GALK2: variants seen among roughly 807,000 people sequenced by gnomAD.
GALK2 encodes the protein galactokinase 2.
GALK2 carries 36 observed loss-of-function variants against 52.4 expected under a neutral mutation model. The ratio of observed to expected loss-of-function variants is 0.69; its 90% CI spans 0.53 to 0.91. The LOEUF (loss-of-function observed/expected upper bound fraction) is 0.91. Among genes scored for constraint, GALK2 ranks in the 40% least tolerant of loss-of-function variants. The probability of loss-of-function intolerance (pLI) is 0.00; values close to 1 mark genes in which losing one functional copy is unlikely to be tolerated. For missense variants in GALK2, 579 were observed against 559.1 expected (o/e 1.04, Z -0.36); for synonymous variants, 176 against 199.1 (o/e 0.88, Z 0.98).
chr15:49,245,825 T>G (rs1333162581), intron 5 of GALK2, among the ~76,000 whole-genome samples: 1 of 152,162 alleles, frequency 6.6e-6, no homozygotes, highest in Non-Finnish European at 1.5e-5. Flanking sequence ...AGTAAAGCTT[T>G]CTTTATATAA....
At chr15:49,177,736 AC>A in intron 1 of GALK2, 1 of 814,474 alleles carries the variant, frequency 1.2e-6, no homozygotes, top group Non-Finnish European at 1.8e-6. Context: ...CCCATGCATC[AC>A]CCTTTGCTTG....
intron 5 of GALK2, among the ~76,000 whole-genome samples, chr15:49,247,644 A>G (rs1174485069): frequency 6.6e-6 from 1 of 152,210 alleles, no homozygotes; most frequent in Non-Finnish European, 1.5e-5. Context: ...GTTTCAAGTA[A>G]TTGGTGAGTT....
chr15:49,241,643 A>T (rs1326412038), intron 5 of GALK2, among the ~76,000 whole-genome samples: 1 of 152,234 alleles, frequency 6.6e-6, no homozygotes, highest in Non-Finnish European at 1.5e-5. Context: ...GGTAAAGTTC[A>T]GTGGATACAA....
intron 8 of GALK2, among the ~76,000 whole-genome samples, chr15:49,312,777 G>GT (rs2141918557): frequency 6.6e-6 from 1 of 152,284 alleles, no homozygotes; most frequent in East Asian, 1.9e-4. Flanking sequence ...TATCTGAAGG[G>GT]TTACCTTGTG....
rs1191356554 is a variant in GALK2, at chr15:49,365,933, T to G, written c.427-1558T>G. The G allele has an allele frequency of 1.6e-5, 15 of 959,454 alleles. No homozygotes were observed. In the Admixed American group the frequency reaches 2.5e-4, roughly 16 times the overall value. 59.4% of individuals were successfully genotyped at this position (959,454 alleles called of 1,614,324 possible). A position where few individuals can be genotyped will look rare whatever the true frequency, so the allele number is the denominator to read the frequency against. ...CTCATTGCTGATACTATGCAGAAAATTGCTATCATAACATAAACTAACCAT... is the reference window on the plus strand; with the variant it reads ...CTCATTGCTGATACTATGCAGAAAAGTGCTATCATAACATAAACTAACCAT... On this transcript the variant is annotated intron_variant, in intron 3 of 3. Transcript: ENST00000558399.
At chr15:49,233,013 T>C (rs1284504714) in intron 3 of GALK2, among the ~76,000 whole-genome samples, 1 of 152,202 alleles carries the variant, frequency 6.6e-6, no homozygotes, top group Non-Finnish European at 1.5e-5. Flanking sequence ...CAAATTCACA[T>C]TTTCAGGTAT....
chr15:49,186,797 A>G (rs187543180), intron 1 of GALK2, among the ~76,000 whole-genome samples: 1 of 152,268 alleles, frequency 6.6e-6, no homozygotes, highest in East Asian at 1.9e-4. Context: ...TTGGCCTCCC[A>G]AAGTGCTGGG....
chr15:49,313,755 C>G (rs1411827027), intron 8 of GALK2, among the ~76,000 whole-genome samples: 3 of 152,196 alleles, frequency 2.0e-5, no homozygotes, highest in African/African-American at 7.2e-5. Flanking sequence ...AGATGACTAT[C>G]ATACTCAGTG....
chr15:49,217,400 A>G, intron 3 of GALK2, 87 bp downstream of exon 3: 2 of 1,267,498 alleles, frequency 1.6e-6, no homozygotes, highest in Admixed American at 2.3e-5. Context: ...AATTTGTAAC[A>G]GGTCATTTAA....
intron 1 of GALK2, among the ~76,000 whole-genome samples, chr15:49,191,351 G>A (rs997809284): frequency 2.0e-5 from 3 of 152,052 alleles, no homozygotes; most frequent in African/African-American, 7.2e-5. Flanking sequence ...TGATTTCTTG[G>A]AAAGTCAGAT....
At chr15:49,167,916 T>C (rs560108016), upstream of GALK2, among the ~76,000 whole-genome samples, 27 of 152,340 alleles carry the variant, frequency 1.8e-4, no homozygotes, top group Non-Finnish European at 3.1e-4. Context: ...AGTAATCCTT[T>C]ATGAAAATTA....
Position 49,328,911 on chromosome 15 carries a change from A to C in GALK2, c.*752A>C, listed in dbSNP as rs1048331363. 147 of 1,227,986 alleles carry C rather than the reference A, an allele frequency of 1.2e-4. No homozygotes were observed. The highest frequency in any genetic ancestry group is 1.5e-4 in the Non-Finnish European group (143 of 977,398). 76.1% of individuals were successfully genotyped at this position (1,227,986 alleles called of 1,614,324 possible). On this transcript the variant is annotated 3_prime_UTR_variant, in exon 10 of 10. Coordinates refer to ENST00000560031, the MANE Select transcript of GALK2 (RefSeq NM_002044.4). Reference sequence around the variant, plus strand: ...GCTATCTCCATTACTTAATAGAAAAACTTAGATAAAAAACACTTTAAGACT... The same window carrying C: ...GCTATCTCCATTACTTAATAGAAAACCTTAGATAAAAAACACTTTAAGACT...
chr15:49,299,735 T>TTTCTTTCTTTTCTTTC (rs1347140534), intron 8 of GALK2, among the ~76,000 whole-genome samples: 31 of 77,558 alleles, frequency 4.0e-4, no homozygotes, highest in East Asian at 9.0e-4. Context: ...TCTTTCTTTC[T>TTTCTTTCTTTTCTTTC]TTTCTTTCTT....
intron 1 of GALK2, among the ~76,000 whole-genome samples, chr15:49,161,016 CAT>C (rs529585323): frequency 1.3e-5 from 2 of 152,174 alleles, no homozygotes; most frequent in Non-Finnish European, 2.9e-5. Context: ...ATCAAAGTTT[CAT>C]AGTTTTACTT....
At position 49,189,557 on chromosome 15, in the gene GALK2, A is replaced by G. The variant is rs566611724; in HGVS notation, c.54-11605A>G. Among the ~76,000 whole-genome samples, 3 of 152,206 alleles carry G rather than the reference A, an allele frequency of 2.0e-5. No homozygotes were observed. The East Asian group carries it at 5.8e-4, about 29-fold the overall frequency. On this transcript the variant is annotated intron_variant, in intron 1 of 9. Transcript: ENST00000560031. The stretch of plus-strand genomic sequence containing the variant: ...GCATAGCAAGAGATTAACAATAATA[A>G]CTAGAAATAAAATAGAACAATTTTA...
At chr15:49,344,505 A>C (rs1026440797) in intron 3 of GALK2, among the ~76,000 whole-genome samples, 1 of 152,132 alleles carries the variant, frequency 6.6e-6, no homozygotes, top group Non-Finnish European at 1.5e-5. Flanking sequence ...TCTCATCCCC[A>C]ATTGTGTGTT....
intron 1 of GALK2, among the ~76,000 whole-genome samples, chr15:49,170,962 A>C (rs989981153): frequency 5.3e-5 from 8 of 152,144 alleles, no homozygotes; most frequent in Admixed American, 2.0e-4. Flanking sequence ...AATGGGGCTG[A>C]GGTCTCATAA....
chr15:49,179,225 A>T (rs1052788107), intron 1 of GALK2, among the ~76,000 whole-genome samples: 2 of 152,160 alleles, frequency 1.3e-5, no homozygotes, highest in African/African-American at 4.8e-5. Context: ...AATAACTAAT[A>T]ATTATTTTAT....
At chr15:49,334,712 G>A (rs995317527), downstream of GALK2, among the ~76,000 whole-genome samples, 5 of 152,126 alleles carry the variant, frequency 3.3e-5, no homozygotes, top group African/African-American at 1.2e-4. Context: ...GACATAACTG[G>A]TGGTCCTCCA....
Sources: gnomAD v4.1 joint callset for allele counts (sites outside exome capture counted in the v4.1 genomes callset) on GRCh38, gnomAD v4.1.1 for gene constraint, MANE v1.5 for transcripts, NCBI Gene and HGNC (gene_info 2026-07-23, HGNC 2026-07-21) for gene names.